Variants in TNFRSF13B observed in about 807,000 individuals in gnomAD.
The protein encoded by TNFRSF13B is TNF receptor superfamily member 13B.
A neutral mutation model predicts 24.0 loss-of-function variants in TNFRSF13B; 34 were observed. That is an observed-to-expected ratio of 1.41 (90% CI 1.08 to 1.88). The LOEUF is 1.88. TNFRSF13B is among the 40% of genes most tolerant of loss of function. The pLI is 0.00. For synonymous variants in TNFRSF13B, 173 were observed against 150.3 expected (o/e 1.15, Z -1.10); for missense variants, 415 against 380.8 (o/e 1.09, Z -0.75).
chr17:16,956,445 G>T (rs1437530185), intron 1 of TNFRSF13B, among the ~76,000 whole-genome samples: 1 of 152,152 alleles, frequency 6.6e-6, no homozygotes, highest in African/African-American at 2.4e-5. Context: ...CTATATATTG[G>T]GATTACTAGT....
At chr17:16,971,853 G>C (rs2087747207) in intron 1 of TNFRSF13B, among the ~76,000 whole-genome samples, 162 bp downstream of exon 1, 1 of 152,128 alleles carries the variant, frequency 6.6e-6, no homozygotes, top group African/African-American at 2.4e-5. Flanking sequence ...ATCCAGACTC[G>C]GGGCTCTCCA....
Position 16,952,467 on chromosome 17 carries a change from G to A in TNFRSF13B, c.178C>T (p.Arg60Cys), listed in dbSNP as rs777555444. ...TCACTGCAGAAGGCTGCACAGGTGC[G>A]CTGGCTCTGATGGTTGCAAATGGTT... ...CKTICNHQSQ[R>C]TCAAFCRSLS... The change falls in exon 2 of 5, where the codon CGC (arginine) becomes TGC (cysteine). Residue 60 changes from arginine (R) to cysteine (C), a missense_variant. Arg to Cys is a radical substitution (Grantham distance 180). Transcript: ENST00000261652. 4.7e-5 allele frequency: 76 copies of A among 1,614,024 alleles called. No individual in the cohort carries two copies. Among genetic ancestry groups the A allele is most frequent in the East Asian group, 1.3e-4 (6 of 44,896 alleles).
Position 16,939,195 on chromosome 17 carries a change from A to C in TNFRSF13B, c.*352T>G. 9.1e-6 allele frequency: 2 copies of C among 219,760 alleles called. No homozygotes were observed. The highest frequency in any genetic ancestry group is 9.0e-6 in the Non-Finnish European group (1 of 110,936). 13.6% of individuals were successfully genotyped at this position (219,760 alleles called of 1,614,324 possible). A position where few individuals can be genotyped will look rare whatever the true frequency, so the allele number is the denominator to read the frequency against. On this transcript the variant is annotated 3_prime_UTR_variant, in exon 5 of 5. Transcript: ENST00000261652. ...ACGTGTGGTTAGGTGATGACGACCTACAGCTGCACTGGGAACTGGGACTCA... is the reference window on the plus strand; with the variant it reads ...ACGTGTGGTTAGGTGATGACGACCTCCAGCTGCACTGGGAACTGGGACTCA...
In TNFRSF13B at chr17:16,948,731, G is replaced by T; in HGVS notation, c.445+7C>A. 1 of 1,613,712 alleles carries T rather than the reference G, an allele frequency of 6.2e-7. No individual in the cohort carries two copies. Among genetic ancestry groups the T allele is most frequent in the South Asian group, 1.1e-5 (1 of 91,034 alleles). On this transcript the variant is annotated splice_region_variant and intron_variant, in intron 3 of 4. Transcript: ENST00000261652. Reference sequence around the variant, plus strand: ...GACACCATGCAGGTTTGCCTTGGGTGGCTTACCTGGACTTGCTTCTGAGCC... The same window carrying T: ...GACACCATGCAGGTTTGCCTTGGGTTGCTTACCTGGACTTGCTTCTGAGCC...
In TNFRSF13B at chr17:16,939,745, C is replaced by T; in HGVS notation, c.684G>A (p.Glu228=). The T allele has an allele frequency of 6.2e-7, 1 of 1,608,828 alleles. No individual in the cohort carries two copies. Among genetic ancestry groups the T allele is most frequent in the Middle Eastern group, 1.7e-4 (1 of 5,898 alleles). ...SPVSTSPEPV[E]TCSFCFPECR... ...ACTCAGGGAAGCAGAAGCTGCAGGT[C>T]TCCACTGGCTCGGGGGATGTGCTCA... is the stretch of plus-strand genomic sequence containing the variant. Residue 228 remains glutamate, a synonymous_variant, in exon 5 of 5, where the codon GAG becomes GAA. Coordinates refer to ENST00000261652, the MANE Select transcript of TNFRSF13B (RefSeq NM_012452.3).
At chr17:16,954,829 G>A (rs2143666364) in intron 1 of TNFRSF13B, among the ~76,000 whole-genome samples, 1 of 152,318 alleles carries the variant, frequency 6.6e-6, no homozygotes, top group African/African-American at 2.4e-5. Context: ...ATAAGAGTGG[G>A]GTCTCCTTGG....
At chr17:16,941,650 A>G (rs2087511022) in intron 3 of TNFRSF13B, among the ~76,000 whole-genome samples, 1 of 152,230 alleles carries the variant, frequency 6.6e-6, no homozygotes, top group Non-Finnish European at 1.5e-5. Flanking sequence ...TTGCTGTATT[A>G]AAGTGTACAA....
chr17:16,945,772 C>T (rs1318451984), intron 3 of TNFRSF13B, among the ~76,000 whole-genome samples: 4 of 152,198 alleles, frequency 2.6e-5, no homozygotes, highest in African/African-American at 7.2e-5. Context: ...TTAAAAATGG[C>T]CTTGAATTCA....
Position 16,940,416 on chromosome 17 carries a change from C to G in TNFRSF13B, c.541G>C (p.Ala181Pro). The G allele has an allele frequency of 1.9e-6, 3 of 1,614,098 alleles. No homozygotes were observed. Among genetic ancestry groups the G allele is most frequent in the Non-Finnish European group, 2.5e-6 (3 of 1,180,028 alleles). ...CTCTTCTTGAGGAAGCAGGCCACCG[C>G]CACCAGGAAGCAGCAGAGGACGGCA... Reference protein sequence around the residue: ...LCAVLCCFLVAVACFLKKRGD... With the variant: ...LCAVLCCFLVPVACFLKKRGD... Residue 181 changes from alanine to proline, a missense_variant, in exon 4 of 5, where the codon GCG becomes CCG. Coordinates refer to ENST00000261652, the MANE Select transcript of TNFRSF13B (RefSeq NM_012452.3).
In TNFRSF13B at chr17:16,939,340, C is replaced by T; in HGVS notation, c.*207G>A. 3.4e-6 allele frequency: 2 copies of T among 589,738 alleles called. No individual in the cohort carries two copies. The highest frequency in any genetic ancestry group is 5.6e-6 in the Non-Finnish European group (2 of 358,538). 36.5% of individuals were successfully genotyped at this position (589,738 alleles called of 1,614,324 possible). A position where few individuals can be genotyped will look rare whatever the true frequency, so the allele number is the denominator to read the frequency against. The stretch of plus-strand genomic sequence containing the variant: ...CTCTCCTTCTCTGCCTGTCTCTTTC[C>T]TTCTCTGCCTCTTTCCCTCTCTGCC... On this transcript the variant is annotated 3_prime_UTR_variant, in exon 5 of 5. Coordinates refer to ENST00000261652, the MANE Select transcript of TNFRSF13B (RefSeq NM_012452.3).
intron 3 of TNFRSF13B, chr17:16,940,802 G>C: frequency 7.4e-7 from 1 of 1,346,596 alleles, no homozygotes; most frequent in Non-Finnish European, 9.6e-7. Flanking sequence ...GCTGGAGATG[G>C]GCTGATGGGT....
intron 1 of TNFRSF13B, among the ~76,000 whole-genome samples, chr17:16,957,602 G>GA (rs1347699872): frequency 1.3e-5 from 2 of 152,188 alleles, no homozygotes; most frequent in Non-Finnish European, 2.9e-5. Flanking sequence ...AAAGCAGCAA[G>GA]AGAGAAGCAA....
chr17:16,948,980 G>T lies in TNFRSF13B; in HGVS notation c.203C>A (p.Ser68Ter). Residue 68 changes from serine to a stop codon, truncating the protein, a stop_gained, in exon 3 of 5, where the codon TCA (serine) becomes TAA (stop). Coordinates refer to ENST00000261652, the MANE Select transcript of TNFRSF13B (RefSeq NM_012452.3). LOFTEE classifies it high-confidence loss of function. ...SQRTCAAFCR[S>*]LSCRKEQGKF... ...GCCTTGCTCCTTGCGGCAGCTGAGT[G>T]ACCCTGGGAGAGAGAAATTCATGAT... 1 of 1,613,986 alleles carries T rather than the reference G, an allele frequency of 6.2e-7. No homozygotes were observed. Among genetic ancestry groups the T allele is most frequent in the South Asian group, 1.1e-5 (1 of 91,020 alleles).
At chr17:16,939,854 G>A in intron 4 of TNFRSF13B, 57 bp from the exon 5 acceptor site, 1 of 1,559,136 alleles carries the variant, frequency 6.4e-7, no homozygotes, top group Non-Finnish European at 8.7e-7. Context: ...TAGGGTAGGG[G>A]TGACGGTGTG....
intron 3 of TNFRSF13B, chr17:16,941,335 C>T (rs930271784): frequency 5.7e-5 from 56 of 987,552 alleles, no homozygotes; most frequent in Non-Finnish European, 6.4e-5. Flanking sequence ...CATCAGGGCA[C>T]CTGGCCACCC....
chr17:16,968,907 C>A (rs960687114), intron 1 of TNFRSF13B, among the ~76,000 whole-genome samples: 1 of 151,952 alleles, frequency 6.6e-6, no homozygotes, highest in African/African-American at 2.4e-5. Flanking sequence ...GCATTTTCCC[C>A]AAAAAAACCA....
intron 1 of TNFRSF13B, among the ~76,000 whole-genome samples, chr17:16,964,637 G>A (rs1211027999): frequency 2.0e-5 from 3 of 152,136 alleles, no homozygotes; most frequent in Admixed American, 1.3e-4. Flanking sequence ...CACCACGCCC[G>A]GCCTCCCATG....
intron 3 of TNFRSF13B, among the ~76,000 whole-genome samples, chr17:16,942,445 G>A (rs543962573): frequency 1.2e-4 from 18 of 152,312 alleles, no homozygotes; most frequent in African/African-American, 4.1e-4. Context: ...TTACAGGGGG[G>A]AGATGGGAAC....
In TNFRSF13B at chr17:16,957,637, A is replaced by G. The variant is rs2087634157; in HGVS notation, c.62-5054T>C. On this transcript the variant is annotated intron_variant, in intron 1 of 4. Coordinates refer to ENST00000261652, the MANE Select transcript of TNFRSF13B (RefSeq NM_012452.3). ...ACTTCTTGTGTACAAAGGATCATCA[A>G]TACGGTAACAGCTGATTTCTCCTAA... 2.0e-5 allele frequency among the ~76,000 whole-genome samples: 3 copies of G among 152,354 alleles called. No homozygotes were observed. In the South Asian group the frequency reaches 6.2e-4, roughly 32 times the overall value.
Sources: allele counts gnomAD v4.1 joint callset (sites outside exome capture counted in the v4.1 genomes callset), GRCh38; gene constraint gnomAD v4.1.1; transcripts MANE v1.5; gene names NCBI Gene and HGNC (gene_info 2026-07-23, HGNC 2026-07-21).